The following MYH11 variants were observed in gnomAD, a reference collection of about 807,000 sequenced individuals.
MYH11 encodes myosin heavy chain 11.
A neutral mutation model predicts 246.6 loss-of-function variants in MYH11; 80 were observed. That is an observed-to-expected ratio of 0.32 (90% CI 0.27 to 0.39). The LOEUF is 0.39. MYH11 is among the 10% of genes least tolerant of loss of function. MYH11 has a pLI of 1.00. For synonymous variants in MYH11, 1,071 were observed against 1,015.5 expected, an observed-to-expected ratio of 1.05 and a Z score of -1.04; for missense variants, 2,158 against 2,546.8, an observed-to-expected ratio of 0.85 and a Z score of 3.29.
intron 3 of MYH11, among the ~76,000 whole-genome samples, chr16:15,803,705 C>T (rs2042942593): frequency 1.3e-5 from 2 of 152,280 alleles, no homozygotes; most frequent in Admixed American, 1.3e-4. Context: ...TGATCCACTA[C>T]TTCAGGGAGA....
intron 25 of MYH11, among the ~76,000 whole-genome samples, chr16:15,737,159 C>T (rs11864923): frequency 3.9e-5 from 6 of 151,996 alleles, no homozygotes; most frequent in African/African-American, 1.5e-4. Flanking sequence ...AGAAGGGGGT[C>T]TAGATGAGAA....
chr16:15,848,876 G>C (rs2044264624), intron 1 of MYH11, among the ~76,000 whole-genome samples: 1 of 152,174 alleles, frequency 6.6e-6, no homozygotes, highest in Admixed American at 6.5e-5. Flanking sequence ...CTGGACCAGA[G>C]ACGGACCGCC....
chr16:15,711,256 T>G (rs1393247885), intron 40 of MYH11: 1 of 152,226 alleles, frequency 6.6e-6, no homozygotes, highest in African/African-American at 2.4e-5. Flanking sequence ...CTTCCGGGCA[T>G]GCCATCCGCT....
intron 8 of MYH11, among the ~76,000 whole-genome samples, chr16:15,773,183 G>GT (rs2042144297): frequency 6.6e-6 from 1 of 151,838 alleles, no homozygotes; most frequent in Non-Finnish European, 1.5e-5. Flanking sequence ...CACAATCGCT[G>GT]TAATAGGCGA....
At chr16:15,741,267 A>C (rs1037131596) in intron 22 of MYH11, 196 bp downstream of exon 22, 1 of 675,784 alleles carries the variant, frequency 1.5e-6, no homozygotes, top group African/African-American at 1.8e-5. Flanking sequence ...AGGCAGGGCA[A>C]TAGAACAGAG....
At position 15,838,037 on chromosome 16, in the gene MYH11, C is replaced by T. The variant is rs1386489891; in HGVS notation, c.216G>A (p.Gly72=). The change falls in exon 2 of 41, where the codon GGG becomes GGA. Residue 72 remains glycine, a synonymous_variant. Transcript: ENST00000300036. ...GGTTCATCTTCTGGATGTCATCTTT[C>T]CCAACCGTGACCTTCTTGCCATTCT... The part of the protein sequence containing the change: ...LVENGKKVTV[G]KDDIQKMNPP... The T allele has an allele frequency of 6.2e-7, 1 of 1,614,140 alleles. No individual in the cohort carries two copies. The highest frequency in any genetic ancestry group is 1.1e-5 in the South Asian group (1 of 91,074).
intron 40 of MYH11, among the ~76,000 whole-genome samples, chr16:15,708,634 C>A (rs375112323): frequency 6.6e-6 from 1 of 152,184 alleles, no homozygotes; most frequent in African/African-American, 2.4e-5. Flanking sequence ...TCATCCTGAT[C>A]TTGGTTTCAA....
At chr16:15,783,248 G>C (rs2042395877) in intron 5 of MYH11, 1 of 152,296 alleles carries the variant, frequency 6.6e-6, no homozygotes, top group Non-Finnish European at 1.5e-5. Context: ...CTAAAACATG[G>C]CGGCTGCAGT....
chr16:15,854,552 C>G (rs913820038), intron 1 of MYH11, among the ~76,000 whole-genome samples: 6 of 152,138 alleles, frequency 3.9e-5, no homozygotes, highest in African/African-American at 1.4e-4. Context: ...AAGATAATGT[C>G]CACAAAGCGT....
chr16:15,831,466 T>TGG (rs1348064652), intron 2 of MYH11, among the ~76,000 whole-genome samples: 3 of 144,720 alleles, frequency 2.1e-5, no homozygotes, highest in African/African-American at 7.7e-5. Context: ...ATGTTTGGGG[T>TGG]GTGTGTGTGT....
intron 23 of MYH11, among the ~76,000 whole-genome samples, chr16:15,739,205 T>C (rs2041205289): frequency 6.6e-6 from 1 of 151,970 alleles, no homozygotes; most frequent in Admixed American, 6.6e-5. Flanking sequence ...GTTCAAGTGA[T>C]TCTCCTGCCT....
At chr16:15,839,694 G>GA (rs57488014) in intron 1 of MYH11, among the ~76,000 whole-genome samples, 544 of 134,884 alleles carry the variant, frequency 4.0e-3, no homozygotes, top group African/African-American at 0.012. Context: ...ACTCTGTCTC[G>GA]AAAAAAAAAA....
intron 9 of MYH11, 133 bp downstream of exon 9, chr16:15,771,435 CT>C (rs200813930): frequency 0.2 from 141,481 of 694,228 alleles, 47 homozygotes; most frequent in Middle Eastern, 0.22. Context: ...CATTTTCCTC[CT>C]TTTTTTTTTT....
intron 3 of MYH11, among the ~76,000 whole-genome samples, chr16:15,820,247 C>T (rs527694059): frequency 1.3e-4 from 20 of 152,196 alleles, no homozygotes; most frequent in East Asian, 7.7e-4. Context: ...GAGGCTGAGG[C>T]GGGCAGATCA....
chr16:15,763,910 G>A lies in MYH11; in HGVS notation c.1034-19C>T, dbSNP rs746685202. The stretch of plus-strand genomic sequence containing the variant: ...AATATGGCTGAGGTGGGGAGAGAAG[G>A]GCAGAGCAGACACAAAGGTCAATGC... On this transcript the variant is annotated intron_variant, in intron 9 of 40. Transcript: ENST00000300036. The A allele has an allele frequency of 4.4e-6, 7 of 1,599,116 alleles. No individual in the cohort carries two copies. Among genetic ancestry groups the A allele is most frequent in the Non-Finnish European group, 6.0e-6 (7 of 1,166,722 alleles).
Position 15,708,695 on chromosome 16 carries a change from G to A in MYH11, c.5787-4572C>T, listed in dbSNP as rs2272557. 48 of 1,211,064 alleles carry A rather than the reference G, an allele frequency of 4.0e-5. No homozygotes were observed. In the East Asian group the frequency reaches 5.6e-4, roughly 14 times the overall value. 75.0% of individuals were successfully genotyped at this position (1,211,064 alleles called of 1,614,324 possible). Reference sequence around the variant, plus strand: ...AGCCTCCAGATTTTGCAAGAATCTCGTGGAAATGTGCAAGGGTTTAAAAAT... The same window carrying A: ...AGCCTCCAGATTTTGCAAGAATCTCATGGAAATGTGCAAGGGTTTAAAAAT... On this transcript the variant is annotated intron_variant, in intron 40 of 40. Transcript: ENST00000300036.
intron 4 of MYH11, among the ~76,000 whole-genome samples, chr16:15,795,715 C>G (rs2151318936): frequency 6.6e-6 from 1 of 152,292 alleles, no homozygotes; most frequent in Admixed American, 6.5e-5. Context: ...AGCAGCTGAT[C>G]CTTACAAAGT....
At chr16:15,788,794 ATATATGTGTGTGTG>A (rs1457200948) in intron 4 of MYH11, among the ~76,000 whole-genome samples, 30 of 107,786 alleles carry the variant, frequency 2.8e-4, no homozygotes, top group South Asian at 1.7e-3. Context: ...TAAGACCAGA[ATATATGTGTGTGTG>A]TGTGTGTGTG....
chr16:15,743,497 G>A (rs1228845444), intron 20 of MYH11, among the ~76,000 whole-genome samples: 1 of 152,158 alleles, frequency 6.6e-6, no homozygotes, highest in Non-Finnish European at 1.5e-5. Context: ...TAGTTTTTCA[G>A]AAGTTGGTTC....
Sources: allele counts gnomAD v4.1 joint callset (sites outside exome capture counted in the v4.1 genomes callset), GRCh38; gene constraint gnomAD v4.1.1; transcripts MANE v1.5; gene names NCBI Gene and HGNC (gene_info 2026-07-23, HGNC 2026-07-21).